GPHN: variants seen among roughly 807,000 people sequenced by gnomAD.
GPHN encodes the protein gephyrin.
In GPHN, 17 loss-of-function variants were observed where a neutral mutation model predicts 95.5. That is an observed-to-expected ratio of 0.18 (90% CI 0.12 to 0.27). GPHN has a LOEUF of 0.27. Ranked by LOEUF, GPHN falls within the 10% of genes least tolerant of loss-of-function variation. GPHN has a pLI of 1.00. For missense variants in GPHN, 660 were observed against 978.1 expected (o/e 0.67, Z 4.34); for synonymous variants, 320 against 322.5 (o/e 0.99, Z 0.08).
chr14:66,627,815 T>C (rs1225981049), intron 1 of GPHN, among the ~76,000 whole-genome samples: 1 of 152,170 alleles, frequency 6.6e-6, no homozygotes, highest in African/African-American at 2.4e-5. Context: ...ATTTGTTCTC[T>C]CTTTGTCTGC....
At chr14:67,704,179 C>A in the GPHN span, among the ~76,000 whole-genome samples, 1 of 151,974 alleles carries the variant, frequency 6.6e-6, no homozygotes, top group Non-Finnish European at 1.5e-5. Context: ...TCTAAAAAAT[C>A]TGTGCCTAAG....
At chr14:66,769,673 T>C (rs1456666592) in intron 2 of GPHN, among the ~76,000 whole-genome samples, 1 of 152,196 alleles carries the variant, frequency 6.6e-6, no homozygotes, top group Non-Finnish European at 1.5e-5. Flanking sequence ...TTTTTGTGGC[T>C]GCATAGTATT....
At chr14:66,693,878 A>C (rs528315292) in intron 2 of GPHN, among the ~76,000 whole-genome samples, 1 of 152,298 alleles carries the variant, frequency 6.6e-6, no homozygotes, top group Admixed American at 6.5e-5. Flanking sequence ...CTATTGGTCC[A>C]CCAGAGTAGC....
chr14:67,149,043 G>A (rs1032591642), intron 18 of GPHN, among the ~76,000 whole-genome samples: 8 of 151,890 alleles, frequency 5.3e-5, no homozygotes, highest in East Asian at 3.9e-4. Flanking sequence ...ATAAAACAAC[G>A]CATTGAAAAT....
At chr14:67,095,724 A>G (rs2077342234) in intron 12 of GPHN, among the ~76,000 whole-genome samples, 1 of 152,072 alleles carries the variant, frequency 6.6e-6, no homozygotes, top group African/African-American at 2.4e-5. Flanking sequence ...ATGGGAATTG[A>G]ACAGTGAGAA....
At chr14:66,592,405 C>T (rs13229303) in intron 1 of GPHN, among the ~76,000 whole-genome samples, 1 of 150,360 alleles carries the variant, frequency 6.7e-6, no homozygotes, top group African/African-American at 2.5e-5. Context: ...ATCCATCCAT[C>T]TGACAAAGGG....
At chr14:66,905,992 C>CT (rs201011247) in intron 5 of GPHN, among the ~76,000 whole-genome samples, 1,860 of 134,424 alleles carry the variant, frequency 0.014, 16 homozygotes, top group Non-Finnish European at 0.016. Context: ...TGATTCGAGG[C>CT]TTTTTTTTTT....
In GPHN at chr14:66,722,686, C is replaced by T. The variant is rs1595691473; in HGVS notation, c.143+41501C>T. On this transcript the variant is annotated intron_variant, in intron 2 of 22. Coordinates refer to ENST00000478722, the MANE Select transcript of GPHN (RefSeq NM_020806.5). ...TTGAACTCCTGGCTTCAAGTGATCC[C>T]CCCACCTCTAATGCTCAAATTGCTG... 1.3e-5 allele frequency among the ~76,000 whole-genome samples: 2 copies of T among 152,120 alleles called. 1 individual carries two copies. Among genetic ancestry groups the T allele is most frequent in the South Asian group, 4.2e-4 (2 of 4,808 alleles).
the GPHN span, among the ~76,000 whole-genome samples, chr14:67,413,033 G>A: frequency 6.6e-6 from 1 of 152,140 alleles, no homozygotes; most frequent in African/African-American, 2.4e-5. Flanking sequence ...AAAGTGCTGG[G>A]ATTACAGGCA....
At chr14:67,434,075 T>C in the GPHN span, among the ~76,000 whole-genome samples, 1 of 152,146 alleles carries the variant, frequency 6.6e-6, no homozygotes, top group African/African-American at 2.4e-5. Flanking sequence ...CTATCCAAAA[T>C]AGCTAAAGAA....
intron 4 of GPHN, among the ~76,000 whole-genome samples, chr14:66,836,847 TCA>T (rs2061845087): frequency 6.6e-6 from 1 of 151,954 alleles, no homozygotes; most frequent in Non-Finnish European, 1.5e-5. Flanking sequence ...GAAAAAATGC[TCA>T]CCGTCACTGG....
chr14:66,971,037 G>T (rs1048172884), intron 9 of GPHN, among the ~76,000 whole-genome samples: 13 of 152,106 alleles, frequency 8.5e-5, no homozygotes, highest in Admixed American at 8.5e-4. Flanking sequence ...AATATTTGTT[G>T]TACTAGGAAT....
At chr14:67,622,165 A>G in the GPHN span, among the ~76,000 whole-genome samples, 1 of 152,206 alleles carries the variant, frequency 6.6e-6, no homozygotes, top group Non-Finnish European at 1.5e-5. Context: ...GACTCTGTTC[A>G]AGGCCATTTG....
intron 1 of GPHN, among the ~76,000 whole-genome samples, chr14:66,617,747 T>A (rs1297591287): frequency 6.6e-6 from 1 of 152,202 alleles, no homozygotes; most frequent in Non-Finnish European, 1.5e-5. Flanking sequence ...ATTATTTTTT[T>A]AATTATTGAA....
chr14:67,550,435 C>T, the GPHN span, among the ~76,000 whole-genome samples: 2 of 152,152 alleles, frequency 1.3e-5, no homozygotes, highest in Non-Finnish European at 2.9e-5. Context: ...GTGATCCATC[C>T]GCCTCGGCCT....
the GPHN span, chr14:67,647,848 T>C: frequency 1.7e-6 from 1 of 584,032 alleles, no homozygotes; most frequent in Non-Finnish European, 3.0e-6. Flanking sequence ...TATCATGAAG[T>C]GGTATGTAGG....
Position 66,591,798 on chromosome 14 carries a change from A to G in GPHN, c.64+83207A>G, listed in dbSNP as rs1422176558. On this transcript the variant is annotated intron_variant, in intron 1 of 22. Coordinates refer to ENST00000478722, the MANE Select transcript of GPHN (RefSeq NM_020806.5). ...ATTAACTTTCTTCACAGAATTAGAA[A>G]AAACTACTTTAAATTTCATATGGAA... Among the ~76,000 whole-genome samples the G allele has an allele frequency of 2.0e-5, 3 of 152,252 alleles. No individual in the cohort carries two copies. The East Asian group carries it at 5.8e-4, about 29-fold the overall frequency.
the GPHN span, among the ~76,000 whole-genome samples, chr14:67,409,946 C>G: frequency 6.6e-6 from 1 of 152,140 alleles, no homozygotes; most frequent in Non-Finnish European, 1.5e-5. Flanking sequence ...GGGGCCCTAT[C>G]CTTCAGCCTG....
At position 67,143,245 on chromosome 14, in the gene GPHN, A is replaced by G. The variant is rs1370282288; in HGVS notation, c.1749-117A>G. ...TTTTGATTCCCACTTCATACAGAAT[A>G]TAGTGCTGTACTCATGTTAATGCCT... On this transcript the variant is annotated intron_variant, in intron 17 of 22. Coordinates refer to ENST00000478722, the MANE Select transcript of GPHN (RefSeq NM_020806.5). 4.0e-6 allele frequency: 3 copies of G among 749,296 alleles called. No individual in the cohort carries two copies. In the East Asian group the frequency reaches 7.5e-5, roughly 19 times the overall value. The allele number at this position is 749,296 out of a possible 1,614,324, so 46.4% of individuals were successfully genotyped here.
Sources: gnomAD v4.1 joint callset for allele counts (sites outside exome capture counted in the v4.1 genomes callset) on GRCh38, gnomAD v4.1.1 for gene constraint, MANE v1.5 for transcripts, NCBI Gene and HGNC (gene_info 2026-07-23, HGNC 2026-07-21) for gene names.